The following MAP1LC3A variants were observed in gnomAD, a reference collection of about 807,000 sequenced individuals.
The protein encoded by MAP1LC3A is microtubule-associated protein 1 light chain 3 alpha.
MAP1LC3A carries 10 observed loss-of-function variants against 15.2 expected under a neutral mutation model. The ratio of observed to expected loss-of-function variants is 0.66; its 90% confidence interval spans 0.41 to 1.12. The LOEUF (loss-of-function observed/expected upper bound fraction) is 1.12. Ranked by LOEUF, MAP1LC3A falls within the 50% of genes most tolerant of loss-of-function variation. MAP1LC3A has a pLI of 0.00. For synonymous variants in MAP1LC3A, 63 were observed against 64.3 expected (o/e 0.98, Z 0.10); for missense variants, 138 against 167.3 (o/e 0.82, Z 0.97).
upstream of MAP1LC3A, among the ~76,000 whole-genome samples, chr20:34,557,401 AAGCC>A (rs893127656): frequency 7.9e-5 from 12 of 152,308 alleles, no homozygotes; most frequent in East Asian, 1.4e-3. Flanking sequence ...TGACTTTACA[AAGCC>A]AGACAATGCT....
intron 2 of MAP1LC3A, among the ~76,000 whole-genome samples, chr20:34,551,959 CA>C (rs1405827730): frequency 6.6e-6 from 1 of 152,168 alleles, no homozygotes; most frequent in Non-Finnish European, 1.5e-5. Context: ...TGAAATTCAA[CA>C]AAAAGGGAAA....
chr20:34,555,903 C>T (rs372699327), upstream of MAP1LC3A, among the ~76,000 whole-genome samples: 6 of 150,096 alleles, frequency 4.0e-5, 1 homozygote, highest in South Asian at 4.2e-4. Flanking sequence ...AGTGCAGTGG[C>T]GCGATCTCCA....
At chr20:34,548,434 C>G (rs1486938950) in intron 1 of MAP1LC3A, among the ~76,000 whole-genome samples, 2 of 152,140 alleles carry the variant, frequency 1.3e-5, no homozygotes, top group African/African-American at 2.4e-5. Context: ...CAGCCCCGGC[C>G]CTCTCACTCA....
chr20:34,559,175 G>T, intron 1 of MAP1LC3A, 33 bp from the exon 2 acceptor site: 1 of 1,541,038 alleles, frequency 6.5e-7, no homozygotes, highest in South Asian at 1.2e-5. Context: ...GGGCCGGCCC[G>T]ACCCGGCCTC....
chr20:34,558,516 G>C (rs1600572153), upstream of MAP1LC3A: 4 of 1,069,688 alleles, frequency 3.7e-6, no homozygotes, highest in Non-Finnish European at 4.5e-6. This position sits in a 1 kb window ranked among gnomAD's most constrained non-coding sequence, Gnocchi z 4.3. Flanking sequence ...CCTTGAGTTC[G>C]GGCTGCGGGA....
upstream of MAP1LC3A, among the ~76,000 whole-genome samples, chr20:34,556,682 C>T (rs566890332): frequency 9.9e-4 from 151 of 152,176 alleles, no homozygotes; most frequent in Admixed American, 2.4e-3. Flanking sequence ...CTGCAACCTC[C>T]GCCTAGCAGG....
chr20:34,556,525 C>T (rs1982164678), upstream of MAP1LC3A, among the ~76,000 whole-genome samples: 1 of 151,300 alleles, frequency 6.6e-6, no homozygotes. Flanking sequence ...ATTAGTTACT[C>T]AAAGAGGTCT....
chr20:34,550,479 G>A (rs1371810634), intron 2 of MAP1LC3A, among the ~76,000 whole-genome samples: 1 of 152,212 alleles, frequency 6.6e-6, no homozygotes, highest in Admixed American at 6.5e-5. Flanking sequence ...TCTAAGTCCT[G>A]GGGTGTAGCA....
chr20:34,554,966 C>G (rs534872980), upstream of MAP1LC3A, among the ~76,000 whole-genome samples: 1 of 151,840 alleles, frequency 6.6e-6, no homozygotes, highest in East Asian at 1.9e-4. Flanking sequence ...CCTTGGCCTC[C>G]CCAAGTGCTG....
chr20:34,559,727 C>T lies in MAP1LC3A; in HGVS notation c.204-9C>T. 6.3e-7 allele frequency: 1 copy of T among 1,596,540 alleles called. No homozygotes were observed. Among genetic ancestry groups the T allele is most frequent in the African/African-American group, 1.4e-5 (1 of 73,844 alleles). ...CCCTCACAGCTGCATACTCTCCCGC[C>T]GGCTGCAGGCGCCGCCTGCAGCTGA... On this transcript the variant is annotated splice_polypyrimidine_tract_variant and intron_variant, in intron 3 of 3. Coordinates refer to ENST00000360668, the MANE Select transcript of MAP1LC3A (RefSeq NM_032514.4).
intron 1 of MAP1LC3A, among the ~76,000 whole-genome samples, chr20:34,549,702 C>A (rs1465432266): frequency 1.3e-5 from 2 of 152,156 alleles, no homozygotes; most frequent in South Asian, 4.1e-4. Context: ...AGAAAATGGG[C>A]GGTAACTTTT....
In MAP1LC3A at chr20:34,558,920, C is replaced by T; in HGVS notation, c.40+12C>T. 1.4e-6 allele frequency: 2 copies of T among 1,391,912 alleles called. No homozygotes were observed. Among genetic ancestry groups the T allele is most frequent in the Non-Finnish European group, 1.9e-6 (2 of 1,076,924 alleles). The allele number at this position is 1,391,912 out of a possible 1,614,324, so 86.2% of individuals were successfully genotyped here. A position where few individuals can be genotyped will look rare whatever the true frequency, so the allele number is the denominator to read the frequency against. On this transcript the variant is annotated intron_variant, in intron 1 of 3. Coordinates refer to ENST00000360668, the MANE Select transcript of MAP1LC3A (RefSeq NM_032514.4). The surrounding 1 kb of genome is among the most constrained non-coding windows in gnomAD (Gnocchi z 4.3). ...GCGGCGGAGCTTCGGTGAGGCCCGG[C>T]AGGCGAGCTGCGAGCTCTGGGGCAG...
At chr20:34,553,988 G>A (rs1374926003), upstream of MAP1LC3A, among the ~76,000 whole-genome samples, 1 of 152,222 alleles carries the variant, frequency 6.6e-6, no homozygotes, top group Non-Finnish European at 1.5e-5. Flanking sequence ...AATTCCTGGT[G>A]TGTAGGAAAG....
chr20:34,556,308 G>A (rs1982156194), upstream of MAP1LC3A, among the ~76,000 whole-genome samples: 1 of 152,220 alleles, frequency 6.6e-6, no homozygotes, highest in South Asian at 2.1e-4. Context: ...GATATCTGTT[G>A]AGATTTGTCG....
At chr20:34,548,644 G>A (rs1016290264) in intron 1 of MAP1LC3A, among the ~76,000 whole-genome samples, 26 of 152,116 alleles carry the variant, frequency 1.7e-4, no homozygotes, top group South Asian at 4.1e-4. Flanking sequence ...TGAGCTCGAG[G>A]CCGGAGGACC....
chr20:34,554,735 C>G (rs1461387277), upstream of MAP1LC3A, among the ~76,000 whole-genome samples: 17 of 152,046 alleles, frequency 1.1e-4, no homozygotes. Context: ...GTGACACAAT[C>G]TTGGCTCACT....
At chr20:34,558,602 G>C (rs986324195), upstream of MAP1LC3A, 145 of 1,206,726 alleles carry the variant, frequency 1.2e-4, no homozygotes, top group African/African-American at 1.8e-3. This position sits in a 1 kb window ranked among gnomAD's most constrained non-coding sequence, Gnocchi z 4.3. Flanking sequence ...CCCGGTCCGC[G>C]GACCCAGGCT....
chr20:34,551,318 G>C (rs1156578584), intron 2 of MAP1LC3A, among the ~76,000 whole-genome samples: 1 of 151,670 alleles, frequency 6.6e-6, no homozygotes, highest in Non-Finnish European at 1.5e-5. Flanking sequence ...AATTAAACCA[G>C]AGGCACAAGA....
intron 1 of MAP1LC3A, among the ~76,000 whole-genome samples, chr20:34,547,555 A>AGGTGATTGAATCATGGGGGAAC (rs1568608583): frequency 6.6e-6 from 1 of 151,102 alleles, no homozygotes; most frequent in East Asian, 2.0e-4. Flanking sequence ...GCCCAGGTGG[A>AGGTGATTGAATCATGGGGGAAC]GGTGATTGAA....
Sources: allele counts gnomAD v4.1 joint callset (sites outside exome capture counted in the v4.1 genomes callset), GRCh38; gene constraint gnomAD v4.1.1; non-coding constraint Gnocchi (gnomAD v3.1); transcripts MANE v1.5; gene names NCBI Gene and HGNC (gene_info 2026-07-23, HGNC 2026-07-21).